Variants in CBFA2T2 observed in about 807,000 individuals in gnomAD.
CBFA2T2 encodes the protein protein CBFA2T2.
A neutral mutation model predicts 62.2 loss-of-function variants in CBFA2T2; 11 were observed. That is an observed-to-expected ratio of 0.18 (90% CI 0.11 to 0.29). The LOEUF (loss-of-function observed/expected upper bound fraction) is 0.29. CBFA2T2 is among the 10% of genes least tolerant of loss of function. The probability of loss-of-function intolerance (pLI) is 1.00; values close to 1 mark genes in which losing one functional copy is unlikely to be tolerated. For synonymous variants in CBFA2T2, 295 were observed against 287.5 expected (o/e 1.03, Z -0.27); for missense variants, 592 against 774.1 (o/e 0.76, Z 2.79).
In CBFA2T2 at chr20:33,644,781, C is replaced by A; in HGVS notation, c.*135C>A. 1 of 919,258 alleles carries A rather than the reference C, an allele frequency of 1.1e-6. No individual in the cohort carries two copies. The highest frequency in any genetic ancestry group is 1.6e-6 in the Non-Finnish European group (1 of 615,946). The allele number at this position is 919,258 out of a possible 1,614,324, so 56.9% of individuals were successfully genotyped here. On this transcript the variant is annotated 3_prime_UTR_variant, in exon 11 of 11. Coordinates refer to ENST00000342704, the MANE Select transcript of CBFA2T2 (RefSeq NM_001032999.3). The stretch of plus-strand genomic sequence containing the variant: ...GAATTGGAGGCAGGAAGAGTCCAAG[C>A]CTGAATAATAACACCCCACAGCCTC...
At chr20:33,537,522 G>A (rs1466935354) in intron 1 of CBFA2T2, among the ~76,000 whole-genome samples, 1 of 152,178 alleles carries the variant, frequency 6.6e-6, no homozygotes, top group Non-Finnish European at 1.5e-5. Context: ...AGAGTGAGAG[G>A]GAGAGGGAGA....
intron 1 of CBFA2T2, among the ~76,000 whole-genome samples, chr20:33,587,421 A>C (rs1358236948): frequency 1.3e-5 from 2 of 151,210 alleles, no homozygotes; most frequent in African/African-American, 4.9e-5. Flanking sequence ...CGCCTGCCAC[A>C]ACGCCCGGCT....
chr20:33,583,616 G>T (rs2014216155), intron 1 of CBFA2T2, among the ~76,000 whole-genome samples: 1 of 152,050 alleles, frequency 6.6e-6, no homozygotes, highest in Non-Finnish European at 1.5e-5. Flanking sequence ...ATTATTTGTT[G>T]AATTGGATAT....
At chr20:33,602,644 A>G (rs888937161) in intron 1 of CBFA2T2, among the ~76,000 whole-genome samples, 1 of 152,036 alleles carries the variant, frequency 6.6e-6, no homozygotes, top group Admixed American at 6.6e-5. Context: ...CCCTACATAC[A>G]TTCCTTTTGG....
At chr20:33,518,091 GGCAC>G (rs2011635783) in intron 1 of CBFA2T2, among the ~76,000 whole-genome samples, 1 of 152,070 alleles carries the variant, frequency 6.6e-6, no homozygotes, top group Non-Finnish European at 1.5e-5. Flanking sequence ...TGGGACTACA[GGCAC>G]GTGCAACCAT....
intron 1 of CBFA2T2, among the ~76,000 whole-genome samples, chr20:33,592,004 C>A (rs1453026260): frequency 6.6e-6 from 1 of 152,100 alleles, no homozygotes. Context: ...TTGTCTGTCA[C>A]CATGCCTAGG....
chr20:33,623,083 T>G, intron 4 of CBFA2T2, 32 bp from the exon 5 acceptor site: 1 of 1,612,752 alleles, frequency 6.2e-7, no homozygotes, highest in Non-Finnish European at 8.5e-7. Context: ...GTGTAGGGCC[T>G]AACACTGGAA....
intron 1 of CBFA2T2, among the ~76,000 whole-genome samples, chr20:33,559,841 C>A (rs2146891449): frequency 6.6e-6 from 1 of 152,268 alleles, no homozygotes; most frequent in East Asian, 1.9e-4. Flanking sequence ...TAGTGGGAGC[C>A]TCTTCACATT....
rs114824055 is a variant in CBFA2T2, at chr20:33,619,246, G to A, written c.421-271G>A. Among the ~76,000 whole-genome samples, 639 of 151,982 alleles carry A rather than the reference G, an allele frequency of 4.2e-3. 4 individuals carry two copies. Among genetic ancestry groups the A allele is most frequent in the African/African-American group, 0.014 (591 of 41,464 alleles). On this transcript the variant is annotated intron_variant, in intron 3 of 10. Transcript: ENST00000342704. ...AAAAAACAAAATAAAAAGACCGGGC[G>A]CGGTGGCTCTCCCTTGTAATCCCAC...
At chr20:33,624,721 A>C in intron 5 of CBFA2T2, 43 bp from the exon 6 acceptor site, 1 of 1,602,252 alleles carries the variant, frequency 6.2e-7, no homozygotes, top group Non-Finnish European at 8.5e-7. Flanking sequence ...CTGCATGAAC[A>C]CTTGTTGACA....
chr20:33,595,162 T>C (rs2014830867), intron 1 of CBFA2T2, among the ~76,000 whole-genome samples: 1 of 152,272 alleles, frequency 6.6e-6, no homozygotes, highest in African/African-American at 2.4e-5. Flanking sequence ...AGTGCTGTAA[T>C]GATTCTTAAT....
At chr20:33,590,232 G>A (rs115657279) in intron 1 of CBFA2T2, among the ~76,000 whole-genome samples, 4,209 of 146,322 alleles carry the variant, frequency 0.029, 186 homozygotes, top group African/African-American at 0.1. Flanking sequence ...GGACGATGCT[G>A]TCTCATCTTT....
At chr20:33,510,427 G>C (rs1473689404) in intron 1 of CBFA2T2, among the ~76,000 whole-genome samples, 3 of 151,778 alleles carry the variant, frequency 2.0e-5, no homozygotes, top group Middle Eastern at 3.2e-3. Flanking sequence ...TAGCCAGGAT[G>C]GTCTCAATCT....
At chr20:33,491,859 G>A (rs148302653) in intron 1 of CBFA2T2, among the ~76,000 whole-genome samples, 1 of 151,616 alleles carries the variant, frequency 6.6e-6, no homozygotes, top group African/African-American at 2.4e-5. Flanking sequence ...ATGCCACCAC[G>A]CTCGGCCAAT....
intron 1 of CBFA2T2, among the ~76,000 whole-genome samples, chr20:33,534,479 AT>A (rs2012147448): frequency 6.6e-6 from 1 of 151,818 alleles, no homozygotes; most frequent in South Asian, 2.1e-4. Flanking sequence ...CGCCCGGCTA[AT>A]TTTTGTATTT....
rs536079239 is a variant in CBFA2T2 at position 33,569,969 on chromosome 20, G to GTA, written c.35-36987_35-36986insTA. Among the ~76,000 whole-genome samples, 18 of 152,274 alleles carry GTA rather than the reference G, an allele frequency of 1.2e-4. 1 individual carries two copies. In the East Asian group the frequency reaches 3.3e-3, roughly 28 times the overall value. On this transcript the variant is annotated intron_variant, in intron 1 of 10. Coordinates refer to ENST00000342704, the MANE Select transcript of CBFA2T2 (RefSeq NM_001032999.3). ...AGGTACTCAGAAGCCTGAGGCAAGA[G>GTA]GATTACTTGAGCCCAGTCATTCAAG...
chr20:33,584,157 C>G (rs1367737553), intron 1 of CBFA2T2, among the ~76,000 whole-genome samples: 2 of 152,012 alleles, frequency 1.3e-5, no homozygotes, highest in Non-Finnish European at 2.9e-5. Flanking sequence ...CCATGTTGTC[C>G]AGGCTGGTCT....
In CBFA2T2 at chr20:33,621,287, CTTTT is replaced by C. The variant is rs199805350; in HGVS notation, c.510+1704_510+1707del. Among the ~76,000 whole-genome samples the C allele has an allele frequency of 7.6e-4, 65 of 85,292 alleles. 1 individual carries two copies. Among genetic ancestry groups the C allele is most frequent in the African/African-American group, 2.5e-3 (49 of 19,288 alleles). 56.0% of individuals were successfully genotyped at this position (85,292 alleles called of 152,430 possible). A position where few individuals can be genotyped will look rare whatever the true frequency, so the allele number is the denominator to read the frequency against. ...TCTATAATACCTTTAATTTTACTGC[CTTTT>C]TTTTTTTTTTTTTTTTTTTTTTGGG... On this transcript the variant is annotated intron_variant, in intron 4 of 10. Coordinates refer to ENST00000342704, the MANE Select transcript of CBFA2T2 (RefSeq NM_001032999.3).
At chr20:33,561,190 C>CT (rs1182703453) in intron 1 of CBFA2T2, among the ~76,000 whole-genome samples, 1 of 151,968 alleles carries the variant, frequency 6.6e-6, no homozygotes, top group Non-Finnish European at 1.5e-5. Flanking sequence ...TTTTTCTTTT[C>CT]TTTTTTAAAG....
Sources: allele counts gnomAD v4.1 joint callset (sites outside exome capture counted in the v4.1 genomes callset), GRCh38; gene constraint gnomAD v4.1.1; transcripts MANE v1.5; gene names NCBI Gene and HGNC (gene_info 2026-07-23, HGNC 2026-07-21).